The following PAPPA variants were observed in gnomAD, a reference collection of about 807,000 sequenced individuals.
PAPPA encodes the protein pappalysin 1.
PAPPA carries 60 observed loss-of-function variants against 164.0 expected under a neutral mutation model. The observed-to-expected ratio is 0.37, with a 90% CI of 0.30 to 0.45. The LOEUF (loss-of-function observed/expected upper bound fraction) is 0.45. Among genes scored for constraint, PAPPA ranks in the 20% least tolerant of loss-of-function variants. PAPPA has a pLI of 1.00. For missense variants in PAPPA, 1,782 were observed against 2,087.3 expected (o/e 0.85, Z 2.85); for synonymous variants, 875 against 814.1 (o/e 1.07, Z -1.27).
intron 17 of PAPPA, among the ~76,000 whole-genome samples, chr9:116,360,811 C>G (rs1397083872): frequency 6.6e-6 from 1 of 152,140 alleles, no homozygotes; most frequent in Non-Finnish European, 1.5e-5. Flanking sequence ...CCTGAGGATA[C>G]AAGGTTGAAT....
At chr9:116,247,505 T>C (rs982863560) in intron 7 of PAPPA, among the ~76,000 whole-genome samples, 4 of 152,224 alleles carry the variant, frequency 2.6e-5, no homozygotes, top group African/African-American at 9.6e-5. Flanking sequence ...TGTCCTGGTG[T>C]CACCTACTAC....
intron 2 of PAPPA, among the ~76,000 whole-genome samples, chr9:116,189,591 T>C (rs115945010): frequency 0.017 from 2,604 of 152,236 alleles, 85 homozygotes; most frequent in African/African-American, 0.06. Flanking sequence ...AATCCAAAAG[T>C]AGAGCCCAAA....
Position 116,187,077 on chromosome 9 carries a change from T to C in PAPPA, c.416-77T>C. On this transcript the variant is annotated intron_variant, in intron 1 of 21. Transcript: ENST00000328252. This position sits in a 1 kb window ranked among gnomAD's most constrained non-coding sequence, Gnocchi z 4.2. Reference sequence around the variant, plus strand: ...GTCTAGGATAACCTGATACAAATTTTATTAGAGAAAAATAACTTAACCCCC... The same window carrying C: ...GTCTAGGATAACCTGATACAAATTTCATTAGAGAAAAATAACTTAACCCCC... The C allele has an allele frequency of 1.9e-6, 2 of 1,059,256 alleles. No individual in the cohort carries two copies. Among genetic ancestry groups the C allele is most frequent in the Non-Finnish European group, 2.8e-6 (2 of 713,624 alleles). 65.6% of individuals were successfully genotyped at this position (1,059,256 alleles called of 1,614,324 possible). A position where few individuals can be genotyped will look rare whatever the true frequency, so the allele number is the denominator to read the frequency against.
At chr9:116,341,806 G>A (rs1846141688) in intron 13 of PAPPA, among the ~76,000 whole-genome samples, 2 of 152,160 alleles carry the variant, frequency 1.3e-5, no homozygotes, top group Non-Finnish European at 2.9e-5. Flanking sequence ...ACAATCCTAA[G>A]AAACAAATTA....
Position 116,271,607 on chromosome 9 carries a change from C to G in PAPPA, c.2953+191C>G, listed in dbSNP as rs1283879559. On this transcript the variant is annotated intron_variant, in intron 9 of 21. Coordinates refer to ENST00000328252, the MANE Select transcript of PAPPA (RefSeq NM_002581.5). This position sits in a 1 kb window ranked among gnomAD's most constrained non-coding sequence, Gnocchi z 4.2. ...GGAAATACAGCAGTGAAAAAACAAA[C>G]AAACAAAGCAATCCCTCAAGAGCTT... 6.6e-6 allele frequency among the ~76,000 whole-genome samples: 1 copy of G among 152,158 alleles called. No homozygotes were observed. The highest frequency in any genetic ancestry group is 1.5e-5 in the Non-Finnish European group (1 of 68,034).
intron 9 of PAPPA, among the ~76,000 whole-genome samples, chr9:116,295,031 A>G (rs985923280): frequency 1.3e-5 from 2 of 152,182 alleles, no homozygotes; most frequent in African/African-American, 4.8e-5. Flanking sequence ...TGAGCTCTAA[A>G]TTAGTGACTA....
chr9:116,398,988 A>G lies in PAPPA; in HGVS notation c.*2372A>G, dbSNP rs1847008020. Reference sequence around the variant, plus strand: ...TTAGAAGGTACAAGCTAAGAAATGTAACAGTATCAACCCTCCCAGTTGCTT... The same window carrying G: ...TTAGAAGGTACAAGCTAAGAAATGTGACAGTATCAACCCTCCCAGTTGCTT... On this transcript the variant is annotated 3_prime_UTR_variant, in exon 22 of 22. Coordinates refer to ENST00000328252, the MANE Select transcript of PAPPA (RefSeq NM_002581.5). 1 of 257,762 alleles carries G rather than the reference A, an allele frequency of 3.9e-6. No individual in the cohort carries two copies. The highest frequency in any genetic ancestry group is 2.3e-5 in the African/African-American group (1 of 43,666). The allele number at this position is 257,762 out of a possible 1,614,324, so 16.0% of individuals were successfully genotyped here.
At chr9:116,208,278 A>G (rs570241117) in intron 3 of PAPPA, among the ~76,000 whole-genome samples, 3 of 152,324 alleles carry the variant, frequency 2.0e-5, no homozygotes, top group African/African-American at 7.2e-5. Context: ...GGACACATCT[A>G]TATGTAAACA....
chr9:116,221,710 G>A (rs545155212), intron 5 of PAPPA, among the ~76,000 whole-genome samples: 3 of 151,474 alleles, frequency 2.0e-5, no homozygotes, highest in African/African-American at 7.3e-5. Flanking sequence ...GCATTACACT[G>A]CCCCCCGCAA....
chr9:116,190,996 T>C (rs557579158), intron 2 of PAPPA, among the ~76,000 whole-genome samples: 7 of 151,760 alleles, frequency 4.6e-5, no homozygotes, highest in African/African-American at 1.5e-4. Context: ...AATTTTTGCT[T>C]TGTGAATTTA....
intron 1 of PAPPA, among the ~76,000 whole-genome samples, chr9:116,165,324 A>T (rs1564171572): frequency 6.6e-6 from 1 of 152,188 alleles, no homozygotes. Context: ...AAATGTTAGC[A>T]CATTCTACAA....
chr9:116,394,083 T>C (rs1165894127), intron 21 of PAPPA, among the ~76,000 whole-genome samples: 1 of 152,036 alleles, frequency 6.6e-6, no homozygotes, highest in Non-Finnish European at 1.5e-5. Context: ...GAGAAGACAT[T>C]AGAGGTAACT....
intron 7 of PAPPA, among the ~76,000 whole-genome samples, chr9:116,241,378 AG>A: frequency 6.6e-6 from 1 of 152,352 alleles, no homozygotes; most frequent in Admixed American, 6.5e-5. Flanking sequence ...ATTTTTAGAT[AG>A]GTGGTCAGGA....
In PAPPA at chr9:116,269,583, C is replaced by G. The variant is rs139251578; in HGVS notation, c.2862-1742C>G. Among the ~76,000 whole-genome samples the G allele has an allele frequency of 3.4e-3, 525 of 152,282 alleles. 3 individuals are homozygous for G. The highest frequency in any genetic ancestry group is 0.012 in the African/African-American group (494 of 41,562). ...ACACAGAGAAAGATGGCCACCCGCT[C>G]CAGCCCCAGAGGTCAAATAAGGTTT... On this transcript the variant is annotated intron_variant, in intron 8 of 21. Coordinates refer to ENST00000328252, the MANE Select transcript of PAPPA (RefSeq NM_002581.5).
chr9:116,307,515 G>T (rs1172063497), intron 10 of PAPPA, among the ~76,000 whole-genome samples: 1 of 152,028 alleles, frequency 6.6e-6, no homozygotes, highest in Non-Finnish European at 1.5e-5. Flanking sequence ...CAGGAGAATC[G>T]CTTGAACCCG....
At position 116,400,904 on chromosome 9, in the gene PAPPA, T is replaced by G. The variant is rs1295622275; in HGVS notation, c.*4288T>G. 4 of 152,566 alleles carry G rather than the reference T, an allele frequency of 2.6e-5. No individual in the cohort carries two copies. The East Asian group carries it at 7.7e-4, about 29-fold the overall frequency. The allele number at this position is 152,566 out of a possible 1,614,324, so 9.5% of individuals were successfully genotyped here. ...CAATTGCCTCTACATTTGCATCAGTTTCTCTAGCTGCAAAATGGGGATAAT... is the reference window on the plus strand; with the variant it reads ...CAATTGCCTCTACATTTGCATCAGTGTCTCTAGCTGCAAAATGGGGATAAT... On this transcript the variant is annotated 3_prime_UTR_variant, in exon 22 of 22. Transcript: ENST00000328252.
At chr9:116,368,184 T>C (rs1319537720) in intron 19 of PAPPA, among the ~76,000 whole-genome samples, 3 of 152,210 alleles carry the variant, frequency 2.0e-5, no homozygotes, top group Non-Finnish European at 2.9e-5. Flanking sequence ...CCACTTTACA[T>C]AGCCTAGGTT....
At chr9:116,248,508 TG>T (rs1844823633) in intron 7 of PAPPA, among the ~76,000 whole-genome samples, 1 of 152,188 alleles carries the variant, frequency 6.6e-6, no homozygotes, top group Admixed American at 6.5e-5. Flanking sequence ...GTCTGAACTT[TG>T]AGTTTGGGGG....
chr9:116,223,060 C>A (rs949306090), intron 5 of PAPPA, among the ~76,000 whole-genome samples: 1 of 152,116 alleles, frequency 6.6e-6, no homozygotes, highest in Non-Finnish European at 1.5e-5. Flanking sequence ...TTTCACATTA[C>A]CATCAGTACC....
Sources: gnomAD v4.1 joint callset for allele counts (sites outside exome capture counted in the v4.1 genomes callset) on GRCh38, gnomAD v4.1.1 for gene constraint, Gnocchi (gnomAD v3.1) non-coding constraint, MANE v1.5 for transcripts, NCBI Gene and HGNC (gene_info 2026-07-23, HGNC 2026-07-21) for gene names.